The following ZNF705G variants were observed in gnomAD, a reference collection of about 807,000 sequenced individuals.
ZNF705G encodes the protein zinc finger protein 705G.
A neutral mutation model predicts 19.6 loss-of-function variants in ZNF705G; 23 were observed. That is an observed-to-expected ratio of 1.17 (90% CI 0.84 to 1.66). The LOEUF (loss-of-function observed/expected upper bound fraction) is 1.66. Among genes scored for constraint, ZNF705G ranks in the 40% most tolerant of loss-of-function variants. The probability of loss-of-function intolerance (pLI) is 0.00; values close to 1 mark genes in which losing one functional copy is unlikely to be tolerated. For missense variants in ZNF705G, 457 were observed against 354.4 expected (o/e 1.29, Z -2.32); for synonymous variants, 146 against 117.7 (o/e 1.24, Z -1.56).
intron 2 of ZNF705G, among the ~76,000 whole-genome samples, chr8:7,370,415 A>G (rs1807051289): frequency 6.7e-6 from 1 of 149,838 alleles, no homozygotes; most frequent in African/African-American, 2.6e-5. Flanking sequence ...ATCACCTGAT[A>G]GAATAGCTAT....
chr8:7,363,232 T>C (rs1355301666), intron 2 of ZNF705G, among the ~76,000 whole-genome samples: 1 of 148,466 alleles, frequency 6.7e-6, no homozygotes, highest in Admixed American at 6.6e-5. Context: ...CACAGATATC[T>C]TGTGAATGAG....
rs1806290416 is a variant in ZNF705G, at chr8:7,356,791, CT to C, written c.*1184del. The C allele has an allele frequency of 3.3e-5, 5 of 149,704 alleles. No individual in the cohort carries two copies. In the South Asian group the frequency reaches 1.0e-3, roughly 31 times the overall value. The allele number at this position is 149,704 out of a possible 1,614,324, so 9.3% of individuals were successfully genotyped here. Reference sequence around the variant, plus strand: ...ATGAAACAAGGGCTTTGCCAACATACTAAGTTTTTTCAACAACAGATTGTAT... The same window carrying C: ...ATGAAACAAGGGCTTTGCCAACATACAAGTTTTTTCAACAACAGATTGTAT... On this transcript the variant is annotated 3_prime_UTR_variant, in exon 7 of 7. Coordinates refer to ENST00000400156, the MANE Select transcript of ZNF705G (RefSeq NM_001164457.3).
chr8:7,359,093 A>ATT (rs1398828080), intron 6 of ZNF705G, among the ~76,000 whole-genome samples: 1 of 149,478 alleles, frequency 6.7e-6, no homozygotes, highest in African/African-American at 2.6e-5. Context: ...ATGAATGACT[A>ATT]TTTTTTCTAC....
At chr8:7,364,337 A>G (rs534868458) in intron 2 of ZNF705G, among the ~76,000 whole-genome samples, 1 of 149,816 alleles carries the variant, frequency 6.7e-6, no homozygotes, top group South Asian at 2.1e-4. Flanking sequence ...CAAAAAATTT[A>G]CTGACCCATT....
rs1386220820 is a variant in ZNF705G at position 7,357,910 on chromosome 8, T to A, written c.*66A>T. ...TCTGATGCTCTTTAAGATTAGTACA[T>A]TGTCTGAAGGCTTTCCCACATAAAT... On this transcript the variant is annotated 3_prime_UTR_variant, in exon 7 of 7. Transcript: ENST00000400156. 21 of 1,598,018 alleles carry A rather than the reference T, an allele frequency of 1.3e-5. No individual in the cohort carries two copies. In the East Asian group the frequency reaches 4.7e-4, roughly 36 times the overall value.
intron 2 of ZNF705G, among the ~76,000 whole-genome samples, chr8:7,380,935 T>G (rs2128848009): frequency 7.5e-6 from 1 of 133,306 alleles, no homozygotes; most frequent in South Asian, 2.3e-4. Flanking sequence ...GAGAATTGCT[T>G]GAGCCCAGGA....
Position 7,364,301 on chromosome 8 carries a change from T to A in ZNF705G, c.-71-1284A>T, listed in dbSNP as rs1471587530. 2.0e-5 allele frequency among the ~76,000 whole-genome samples: 3 copies of A among 149,700 alleles called. 1 individual carries two copies. Among genetic ancestry groups the A allele is most frequent in the African/African-American group, 7.7e-5 (3 of 39,098 alleles). On this transcript the variant is annotated intron_variant, in intron 2 of 6. Coordinates refer to ENST00000400156, the MANE Select transcript of ZNF705G (RefSeq NM_001164457.3). ...TAAAAATAATTAAATATATTTTATGTACAAATGATAATTATGTGTCATAAA... is the reference window on the plus strand; with the variant it reads ...TAAAAATAATTAAATATATTTTATGAACAAATGATAATTATGTGTCATAAA...
chr8:7,359,832 A>G (rs1305841610), intron 5 of ZNF705G, 131 bp from the exon 6 acceptor site: 23 of 1,357,596 alleles, frequency 1.7e-5, no homozygotes, highest in African/African-American at 3.3e-5. Flanking sequence ...TGAAGAAACT[A>G]CTTGAATAGA....
rs535544792 is a variant in ZNF705G, at chr8:7,357,625, A to T, written c.*351T>A. On this transcript the variant is annotated 3_prime_UTR_variant, in exon 7 of 7. Transcript: ENST00000400156. ...TGTCACTTATGCTCAGATCACTAAC[A>T]AGTCTTTGGTACATACATGTCATAC... 6 of 407,640 alleles carry T rather than the reference A, an allele frequency of 1.5e-5. 1 individual carries two copies. In the South Asian group the frequency reaches 1.9e-4, roughly 13 times the overall value. The allele number at this position is 407,640 out of a possible 1,614,324, so 25.3% of individuals were successfully genotyped here.
chr8:7,356,469 A>T lies in ZNF705G; in HGVS notation c.*1507T>A, dbSNP rs1431293860. The T allele has an allele frequency of 1.3e-5, 2 of 149,792 alleles. No individual in the cohort carries two copies. Among genetic ancestry groups the T allele is most frequent in the Non-Finnish European group, 2.9e-5 (2 of 68,100 alleles). The allele number at this position is 149,792 out of a possible 1,614,324, so 9.3% of individuals were successfully genotyped here. A position where few individuals can be genotyped will look rare whatever the true frequency, so the allele number is the denominator to read the frequency against. ...CAGTTAACTGCCTAGAGACAGAGGA[A>T]AGGGCTGCGGACACCCAAATGCATA... On this transcript the variant is annotated 3_prime_UTR_variant, in exon 7 of 7. Transcript: ENST00000400156.
Position 7,380,494 on chromosome 8 carries a change from T to C in ZNF705G, c.-72+958A>G, listed in dbSNP as rs9720354. Among the ~76,000 whole-genome samples, 329 of 147,474 alleles carry C rather than the reference T, an allele frequency of 2.2e-3. 47 individuals carry two copies. Among genetic ancestry groups the C allele is most frequent in the African/African-American group, 8.7e-3 (322 of 36,936 alleles). ...AAGTACCTGTGTGTCTCCTGAGAGC[T>C]TAAGGATAGGACTTCCCAGCCTGCC... On this transcript the variant is annotated intron_variant, in intron 2 of 6. Coordinates refer to ENST00000400156, the MANE Select transcript of ZNF705G (RefSeq NM_001164457.3).
At chr8:7,370,132 A>G (rs1027218703) in intron 2 of ZNF705G, among the ~76,000 whole-genome samples, 3 of 148,386 alleles carry the variant, frequency 2.0e-5, no homozygotes, top group Non-Finnish European at 4.4e-5. Flanking sequence ...TTAGCTGGGC[A>G]TGGTGCCGGG....
At chr8:7,363,204 T>A (rs1268243197) in intron 2 of ZNF705G, among the ~76,000 whole-genome samples, 187 bp from the exon 3 acceptor site, 1 of 148,980 alleles carries the variant, frequency 6.7e-6, no homozygotes, top group Admixed American at 6.6e-5. Flanking sequence ...ATGACTATGG[T>A]TGCTAATAAA....
Position 7,362,990 on chromosome 8 carries a change from T to C in ZNF705G, c.-44A>G, listed in dbSNP as rs1806678168. On this transcript the variant is annotated 5_prime_UTR_variant, in exon 3 of 7. Transcript: ENST00000400156. Reference sequence around the variant, plus strand: ...TCTCTGTCTTCCTCTGGATTTCCACTTGCAGACACTTTAGGCACTAAGAAA... The same window carrying C: ...TCTCTGTCTTCCTCTGGATTTCCACCTGCAGACACTTTAGGCACTAAGAAA... The C allele has an allele frequency of 6.3e-7, 1 of 1,587,036 alleles. No individual in the cohort carries two copies. Among genetic ancestry groups the C allele is most frequent in the African/African-American group, 1.4e-5 (1 of 69,594 alleles).
At chr8:7,381,901 A>T (rs1480472431) in intron 1 of ZNF705G, among the ~76,000 whole-genome samples, 15 of 151,818 alleles carry the variant, frequency 9.9e-5, no homozygotes, top group African/African-American at 2.9e-4. Flanking sequence ...TTGAAATTTT[A>T]AAAAAATGAA....
At chr8:7,372,239 TAA>T (rs1324754195) in intron 2 of ZNF705G, among the ~76,000 whole-genome samples, 19 of 146,152 alleles carry the variant, frequency 1.3e-4, no homozygotes, top group African/African-American at 4.8e-4. Flanking sequence ...TTGACCAATT[TAA>T]AAAAAAATAA....
At chr8:7,369,517 T>C (rs1243583895) in intron 2 of ZNF705G, among the ~76,000 whole-genome samples, 1 of 149,508 alleles carries the variant, frequency 6.7e-6, no homozygotes, top group Non-Finnish European at 1.5e-5. Flanking sequence ...CACTCAACAC[T>C]GGCCCTTGAC....
chr8:7,360,298 C>A lies in ZNF705G; in HGVS notation c.174G>T (p.Gln58His), dbSNP rs748280758. 6.3e-6 allele frequency: 10 copies of A among 1,590,788 alleles called. No individual in the cohort carries two copies. In the South Asian group the frequency reaches 9.9e-5, roughly 16 times the overall value. ...YQISKSYIIL[Q>H]LEQGKELWRE... Reference sequence around the variant, plus strand: ...TCCACAGCTCTTTTCCTTGCTCCAGCTGCAAAATTATATAGGATTTGCTTA... The same window carrying A: ...TCCACAGCTCTTTTCCTTGCTCCAGATGCAAAATTATATAGGATTTGCTTA... Residue 58 changes from glutamine to histidine, a missense_variant, in exon 5 of 7, where the codon CAG (glutamine) becomes CAT (histidine). Coordinates refer to ENST00000400156, the MANE Select transcript of ZNF705G (RefSeq NM_001164457.3).
In ZNF705G at chr8:7,356,625, A is replaced by G. The variant is rs868079283; in HGVS notation, c.*1351T>C. 3.3e-5 allele frequency: 5 copies of G among 149,660 alleles called. No individual in the cohort carries two copies. The highest frequency in any genetic ancestry group is 2.1e-4 in the South Asian group (1 of 4,770). 9.3% of individuals were successfully genotyped at this position (149,660 alleles called of 1,614,324 possible). ...GGGTTGGATGGAAACAAGTGGTTTT[A>G]GTGGACGTTGAAGTAAAGGGAGGTG... On this transcript the variant is annotated 3_prime_UTR_variant, in exon 7 of 7. Transcript: ENST00000400156.
Sources: gnomAD v4.1 joint callset for allele counts (sites outside exome capture counted in the v4.1 genomes callset) on GRCh38, gnomAD v4.1.1 for gene constraint, MANE v1.5 for transcripts, NCBI Gene and HGNC (gene_info 2026-07-23, HGNC 2026-07-21) for gene names.